Variants in SCN3A observed in about 807,000 individuals in gnomAD.
SCN3A encodes the protein sodium channel protein type 3 subunit alpha.
Under a neutral mutation model 187.6 loss-of-function variants are expected in SCN3A, and 60 were observed. The ratio of observed to expected loss-of-function variants is 0.32; its 90% CI spans 0.26 to 0.40. SCN3A has a LOEUF of 0.40. Ranked by LOEUF, SCN3A falls within the 10% of genes least tolerant of loss-of-function variation. The pLI, the probability that SCN3A is intolerant of heterozygous loss-of-function variation, is 1.00. For missense variants in SCN3A, 1,601 were observed against 2,428.2 expected (o/e 0.66, Z 7.16); for synonymous variants, 788 against 829.2 (o/e 0.95, Z 0.85).
At chr2:165,139,747 T>A in intron 13 of SCN3A, 139 bp from the exon 14 acceptor site, 1 of 1,079,466 alleles carries the variant, frequency 9.3e-7, no homozygotes, top group Admixed American at 2.0e-5. Flanking sequence ...GAATTATTGC[T>A]AAGTTATAAA....
intron 20 of SCN3A, 38 bp downstream of exon 20, chr2:165,113,778 A>G: frequency 2.5e-6 from 4 of 1,601,612 alleles, no homozygotes; most frequent in Non-Finnish European, 3.4e-6. Flanking sequence ...AAACTATTTC[A>G]CCAGAATCTG....
intron 8 of SCN3A, 64 bp downstream of exon 8, chr2:165,162,492 C>G (rs1689468772): frequency 1.2e-6 from 2 of 1,608,170 alleles, no homozygotes; most frequent in African/African-American, 2.7e-5. Context: ...CCCACAGTCT[C>G]AACTATTTAT....
chr2:165,144,542 C>T (rs1001059864), intron 12 of SCN3A, among the ~76,000 whole-genome samples: 1 of 152,124 alleles, frequency 6.6e-6, no homozygotes, highest in African/African-American at 2.4e-5. Flanking sequence ...TTTGCACTTC[C>T]TCTTTCATCA....
Position 165,137,760 on chromosome 2 carries a change from C to A in SCN3A, c.2391+119G>T, listed in dbSNP as rs992853470. The A allele has an allele frequency of 1.1e-5, 9 of 799,484 alleles. No individual in the cohort carries two copies. In the African/African-American group the frequency reaches 1.5e-4, roughly 14 times the overall value. 49.5% of individuals were successfully genotyped at this position (799,484 alleles called of 1,614,324 possible). A position where few individuals can be genotyped will look rare whatever the true frequency, so the allele number is the denominator to read the frequency against. On this transcript the variant is annotated intron_variant, in intron 15 of 27. Coordinates refer to ENST00000283254, the MANE Select transcript of SCN3A (RefSeq NM_006922.4). ...TCCCTGTAATATTCCTTAGATATTTCTTTCTATGAGGAAAGAGGATATAAT... is the reference window on the plus strand; with the variant it reads ...TCCCTGTAATATTCCTTAGATATTTATTTCTATGAGGAAAGAGGATATAAT...
intron 3 of SCN3A, among the ~76,000 whole-genome samples, chr2:165,174,383 A>C (rs1690316998): frequency 6.6e-6 from 1 of 152,160 alleles, no homozygotes; most frequent in Admixed American, 6.5e-5. Context: ...AATGATGTGG[A>C]ATGTTTAATA....
chr2:165,114,077 G>C, intron 19 of SCN3A, 107 bp from the exon 20 acceptor site: 1 of 647,672 alleles, frequency 1.5e-6, no homozygotes. Context: ...CATTTCATAG[G>C]GTAACCATCT....
At chr2:165,198,539 G>A (rs1692117612) in intron 1 of SCN3A, among the ~76,000 whole-genome samples, 1 of 152,036 alleles carries the variant, frequency 6.6e-6, no homozygotes, top group Admixed American at 6.6e-5. Flanking sequence ...TTTAACAACA[G>A]AGGGAAATAT....
intron 12 of SCN3A, among the ~76,000 whole-genome samples, chr2:165,145,796 A>T (rs1033713309): frequency 1.8e-4 from 28 of 152,048 alleles, no homozygotes; most frequent in Admixed American, 9.8e-4. Flanking sequence ...TTTTTAGGGT[A>T]TAATTCTGAC....
rs962104949 is a variant in SCN3A at position 165,137,805 on chromosome 2, C to A, written c.2391+74G>T. On this transcript the variant is annotated intron_variant, in intron 15 of 27. Coordinates refer to ENST00000283254, the MANE Select transcript of SCN3A (RefSeq NM_006922.4). ...TATAATTTTTGGGTTCAACACAGCA[C>A]AAATACATCTTTCCCTTTGGTCTAT... is the stretch of plus-strand genomic sequence containing the variant. 26 of 1,184,414 alleles carry A rather than the reference C, an allele frequency of 2.2e-5. No homozygotes were observed. In the African/African-American group the frequency reaches 3.6e-4, roughly 16 times the overall value. The allele number at this position is 1,184,414 out of a possible 1,614,324, so 73.4% of individuals were successfully genotyped here. A position where few individuals can be genotyped will look rare whatever the true frequency, so the allele number is the denominator to read the frequency against.
At position 165,098,760 on chromosome 2, in the gene SCN3A, G is replaced by A. The variant is rs138112283; in HGVS notation, c.3967-1236C>T. Among the ~76,000 whole-genome samples, 4 of 152,236 alleles carry A rather than the reference G, an allele frequency of 2.6e-5. No homozygotes were observed. The East Asian group carries it at 7.7e-4, about 29-fold the overall frequency. On this transcript the variant is annotated intron_variant, in intron 22 of 27. Transcript: ENST00000283254. ...AATGCATAATACATTATCATAATTT[G>A]CATCTGGAATATTAATTGTGCTATA...
At chr2:165,117,032 T>C (rs1686405390) in intron 18 of SCN3A, among the ~76,000 whole-genome samples, 1 of 151,146 alleles carries the variant, frequency 6.6e-6, no homozygotes, top group African/African-American at 2.4e-5. Flanking sequence ...CTCCTAGGAT[T>C]TTTCTGCTTC....
At chr2:165,131,889 A>C (rs1286807418) in intron 15 of SCN3A, among the ~76,000 whole-genome samples, 1 of 151,688 alleles carries the variant, frequency 6.6e-6, no homozygotes, top group Non-Finnish European at 1.5e-5. Context: ...ACTGAGAATG[A>C]TGATTTCCAA....
In SCN3A at chr2:165,104,851, A is replaced by G. The variant is rs192316593; in HGVS notation, c.3844-4427T>C. 1.4e-4 allele frequency among the ~76,000 whole-genome samples: 22 copies of G among 152,348 alleles called. No individual in the cohort carries two copies. In the East Asian group the frequency reaches 4.2e-3, roughly 29 times the overall value. ...CTTTTACTATATCTGTTTGAACAACATATTTATTTATACCCCCTACTGAAG... is the reference window on the plus strand; with the variant it reads ...CTTTTACTATATCTGTTTGAACAACGTATTTATTTATACCCCCTACTGAAG... On this transcript the variant is annotated intron_variant, in intron 21 of 27. Transcript: ENST00000283254.
chr2:165,170,616 G>T, intron 3 of SCN3A, 68 bp from the exon 4 acceptor site: 1 of 943,520 alleles, frequency 1.1e-6, no homozygotes, highest in Non-Finnish European at 1.7e-6. Context: ...TTACATACAT[G>T]AAGAACTTTT....
intron 9 of SCN3A, among the ~76,000 whole-genome samples, chr2:165,160,550 G>A (rs1042659585): frequency 2.0e-5 from 3 of 151,938 alleles, no homozygotes; most frequent in Non-Finnish European, 4.4e-5. Context: ...ATTTTATCTG[G>A]GCTTTTATGT....
intron 21 of SCN3A, among the ~76,000 whole-genome samples, chr2:165,105,275 A>T (rs1444450452): frequency 1.3e-5 from 2 of 152,138 alleles, no homozygotes; most frequent in Non-Finnish European, 2.9e-5. Context: ...ACATCTAAAC[A>T]GTTATCTACA....
intron 25 of SCN3A, 146 bp downstream of exon 25, chr2:165,095,365 C>A: frequency 1.3e-6 from 1 of 792,944 alleles, no homozygotes; most frequent in South Asian, 1.8e-5. Flanking sequence ...AGGCTGGAAT[C>A]CCTGCAGCTT....
intron 2 of SCN3A, among the ~76,000 whole-genome samples, chr2:165,179,973 A>T (rs1008471779): frequency 2.0e-5 from 3 of 152,014 alleles, no homozygotes; most frequent in Admixed American, 2.0e-4. Context: ...GATTATATGC[A>T]CATTATAATT....
At chr2:165,119,534 A>G (rs530313588) in intron 18 of SCN3A, among the ~76,000 whole-genome samples, 1 of 152,322 alleles carries the variant, frequency 6.6e-6, no homozygotes, top group East Asian at 1.9e-4. Flanking sequence ...TTTATATGAT[A>G]CATATCTATA....
Sources: allele counts gnomAD v4.1 joint callset (sites outside exome capture counted in the v4.1 genomes callset), GRCh38; gene constraint gnomAD v4.1.1; transcripts MANE v1.5; gene names NCBI Gene and HGNC (gene_info 2026-07-23, HGNC 2026-07-21).